The following SLC2A9 variants were observed in gnomAD, a reference collection of about 807,000 sequenced individuals.
SLC2A9 encodes solute carrier family 2 member 9.
In SLC2A9, 39 loss-of-function variants were observed where a neutral mutation model predicts 50.6. That is an observed-to-expected ratio of 0.77 (90% CI 0.60 to 1.01). The LOEUF is 1.01. Among genes scored for constraint, SLC2A9 ranks in the 50% least tolerant of loss-of-function variants. The probability of loss-of-function intolerance (pLI) is 0.00; values close to 1 mark genes in which losing one functional copy is unlikely to be tolerated. For synonymous variants in SLC2A9, 324 were observed against 276.9 expected (o/e 1.17, Z -1.69); for missense variants, 686 against 677.6 (o/e 1.01, Z -0.14).
intron 10 of SLC2A9, among the ~76,000 whole-genome samples, chr4:9,877,549 G>T (rs147668886): frequency 1.3e-5 from 2 of 152,326 alleles, no homozygotes; most frequent in East Asian, 1.9e-4. Context: ...ACACACATGG[G>T]TTCCTTCTTT....
At chr4:9,891,553 C>A (rs1343040680) in intron 8 of SLC2A9, among the ~76,000 whole-genome samples, 1 of 152,120 alleles carries the variant, frequency 6.6e-6, no homozygotes, top group Non-Finnish European at 1.5e-5. Flanking sequence ...AGACTGCACT[C>A]AACACACAGG....
chr4:9,829,751 CAT>C (rs748100370), intron 11 of SLC2A9, among the ~76,000 whole-genome samples: 8 of 149,160 alleles, frequency 5.4e-5, no homozygotes, highest in Admixed American at 2.6e-4. Flanking sequence ...GGCCAAAAAA[CAT>C]ATGAAAAAAA....
At chr4:9,943,765 C>T (rs1215364169) in intron 5 of SLC2A9, among the ~76,000 whole-genome samples, 1 of 152,108 alleles carries the variant, frequency 6.6e-6, no homozygotes, top group African/African-American at 2.4e-5. Flanking sequence ...TATTTTCTCT[C>T]GGGGTTTGGC....
At position 9,947,415 on chromosome 4, in the gene SLC2A9, G is replaced by T. The variant is rs186179439; in HGVS notation, c.682-5370C>A. On this transcript the variant is annotated intron_variant, in intron 5 of 11. Transcript: ENST00000264784. ...GAGCACTCAGCTCCCTGATAAGGGG[G>T]TGGGCTGAGGCTAAATCCAGCCCAC... 2.0e-3 allele frequency among the ~76,000 whole-genome samples: 300 copies of T among 152,308 alleles called. 1 individual carries two copies. The highest frequency in any genetic ancestry group is 6.8e-3 in the African/African-American group (282 of 41,572).
intron 5 of SLC2A9, among the ~76,000 whole-genome samples, chr4:9,945,955 G>A (rs1028335634): frequency 6.6e-6 from 1 of 152,206 alleles, no homozygotes; most frequent in South Asian, 2.1e-4. Context: ...GCCTCTGAGT[G>A]TCTTTTTCAG....
At chr4:9,886,063 A>C (rs2109716534) in intron 10 of SLC2A9, among the ~76,000 whole-genome samples, 1 of 152,000 alleles carries the variant, frequency 6.6e-6, no homozygotes, top group South Asian at 2.1e-4. Flanking sequence ...GTATATAGTA[A>C]ATGTGTGTGT....
chr4:9,916,826 T>C (rs2110059030), intron 7 of SLC2A9, among the ~76,000 whole-genome samples: 1 of 152,334 alleles, frequency 6.6e-6, no homozygotes. Context: ...CAATTGGTAT[T>C]GATCCAATTT....
At chr4:9,790,891 C>T (rs569300701) in intron 3 of SLC2A9, among the ~76,000 whole-genome samples, 2 of 152,312 alleles carry the variant, frequency 1.3e-5, no homozygotes, top group East Asian at 3.9e-4. Flanking sequence ...CTTGCCTTTG[C>T]TACAATATTA....
intron 7 of SLC2A9, among the ~76,000 whole-genome samples, chr4:9,918,340 G>A (rs1251867306): frequency 6.6e-6 from 1 of 152,210 alleles, no homozygotes; most frequent in African/African-American, 2.4e-5. Flanking sequence ...CAAGGCAGCA[G>A]GTACAGGGGA....
chr4:9,901,984 C>T (rs1046018978), intron 8 of SLC2A9, among the ~76,000 whole-genome samples: 2 of 152,198 alleles, frequency 1.3e-5, no homozygotes, highest in African/African-American at 2.4e-5. Flanking sequence ...TGATAGGTGG[C>T]GTACCCACCC....
chr4:9,984,715 C>G (rs73100621), intron 4 of SLC2A9, among the ~76,000 whole-genome samples: 15,059 of 152,206 alleles, frequency 0.099, 1,092 homozygotes, highest in East Asian at 0.39. Flanking sequence ...CCATAGCCAG[C>G]ATCTGTCCCC....
At chr4:9,951,718 G>A (rs1217892308) in intron 5 of SLC2A9, among the ~76,000 whole-genome samples, 1 of 152,162 alleles carries the variant, frequency 6.6e-6, no homozygotes, top group East Asian at 1.9e-4. Context: ...AGAAGAATAA[G>A]CTAATAAAGA....
intron 3 of SLC2A9, among the ~76,000 whole-genome samples, chr4:9,817,285 T>A (rs1723738728): frequency 6.6e-6 from 1 of 152,226 alleles, no homozygotes; most frequent in South Asian, 2.1e-4. Flanking sequence ...GATTACGCCC[T>A]GGACATCTTT....
In SLC2A9 at chr4:9,887,558, G is replaced by A. The variant is rs747079268; in HGVS notation, c.1291+9C>T. ...TGGGCGGGGCAGTGGGGAGGGTGGGGTGCCTTACCTGGCCCACTGCAGAAA... is the reference window on the plus strand; with the variant it reads ...TGGGCGGGGCAGTGGGGAGGGTGGGATGCCTTACCTGGCCCACTGCAGAAA... On this transcript the variant is annotated intron_variant, in intron 10 of 11. Coordinates refer to ENST00000264784, the MANE Select transcript of SLC2A9 (RefSeq NM_020041.3). The A allele has an allele frequency of 2.5e-5, 39 of 1,555,062 alleles. No individual in the cohort carries two copies. The Middle Eastern group carries it at 1.2e-3, about 47-fold the overall frequency.
chr4:9,854,855 C>T (rs1730490288), intron 10 of SLC2A9, among the ~76,000 whole-genome samples: 1 of 152,104 alleles, frequency 6.6e-6, no homozygotes, highest in Non-Finnish European at 1.5e-5. Context: ...AAAGTAAAAA[C>T]AGAAATTACA....
chr4:10,002,995 C>T (rs757279916), intron 2 of SLC2A9, among the ~76,000 whole-genome samples: 2 of 152,178 alleles, frequency 1.3e-5, no homozygotes, highest in Non-Finnish European at 2.9e-5. Context: ...GATTGCTAAG[C>T]GCAAGGATTA....
chr4:9,797,018 T>C (rs1015543796), downstream of SLC2A9, among the ~76,000 whole-genome samples: 3 of 152,186 alleles, frequency 2.0e-5, no homozygotes, highest in African/African-American at 7.2e-5. Context: ...TACAATACTA[T>C]GATCTACCAC....
chr4:9,982,522 A>C (rs904395466), intron 4 of SLC2A9, among the ~76,000 whole-genome samples: 6 of 152,196 alleles, frequency 3.9e-5, no homozygotes, highest in African/African-American at 1.4e-4. Context: ...TTTTTAGTTA[A>C]GGAAATTCAG....
chr4:9,850,030 C>T (rs942238519), intron 10 of SLC2A9, among the ~76,000 whole-genome samples: 8 of 151,500 alleles, frequency 5.3e-5, no homozygotes, highest in Admixed American at 5.3e-4. Context: ...CTGGCACACT[C>T]AAGCCACATC....
Sources: allele counts gnomAD v4.1 joint callset (sites outside exome capture counted in the v4.1 genomes callset), GRCh38; gene constraint gnomAD v4.1.1; transcripts MANE v1.5; gene names NCBI Gene and HGNC (gene_info 2026-07-23, HGNC 2026-07-21).